SCTR: variants seen among roughly 807,000 people sequenced by gnomAD.
SCTR encodes secretin receptor, also known as pancreatic secretin receptor.
In SCTR, 56 loss-of-function variants were observed where a neutral mutation model predicts 60.8. The observed-to-expected ratio is 0.92, with a 90% CI of 0.74 to 1.15. The LOEUF (loss-of-function observed/expected upper bound fraction) is 1.15. Ranked by LOEUF, SCTR falls within the 50% of genes most tolerant of loss-of-function variation. The pLI is 0.00. For synonymous variants in SCTR, 202 were observed against 217.0 expected (o/e 0.93, Z 0.61); for missense variants, 562 against 550.4 (o/e 1.02, Z -0.21).
In SCTR at chr2:119,440,107, C is replaced by G. The variant is rs1322393722; in HGVS notation, c.*10G>C. On this transcript the variant is annotated 3_prime_UTR_variant, in exon 13 of 13. Transcript: ENST00000019103. ...TGGTCTCTGTCCGTGGGTGACCCTG[C>G]TCCAGCCTCTCAGATGATGCTGGTC... 1 of 1,612,538 alleles carries G rather than the reference C, an allele frequency of 6.2e-7. No homozygotes were observed. Among genetic ancestry groups the G allele is most frequent in the South Asian group, 1.1e-5 (1 of 90,860 alleles).
At chr2:119,446,552 C>T (rs1356033165) in intron 11 of SCTR, among the ~76,000 whole-genome samples, 1 of 152,180 alleles carries the variant, frequency 6.6e-6, no homozygotes, top group African/African-American at 2.4e-5. Context: ...CTCTCTGTCT[C>T]TCTTAGTTTT....
At chr2:119,477,877 C>T (rs552324083) in intron 3 of SCTR, among the ~76,000 whole-genome samples, 1 of 152,350 alleles carries the variant, frequency 6.6e-6, no homozygotes, top group South Asian at 2.1e-4. Flanking sequence ...TACCTCATTT[C>T]CCCCAGTTCC....
chr2:119,498,588 C>G (rs776801979), intron 1 of SCTR, among the ~76,000 whole-genome samples: 1 of 151,822 alleles, frequency 6.6e-6, no homozygotes, highest in African/African-American at 2.4e-5. Flanking sequence ...ATTACAAATG[C>G]GGGATGATAA....
intron 1 of SCTR, among the ~76,000 whole-genome samples, chr2:119,503,158 CAAAAAAAA>C (rs61479294): frequency 2.9e-5 from 2 of 69,584 alleles, no homozygotes; most frequent in African/African-American, 9.0e-5. Flanking sequence ...GACTCCATCT[CAAAAAAAA>C]AAAAAAAAAA....
chr2:119,498,206 A>T (rs940644209), intron 1 of SCTR, among the ~76,000 whole-genome samples: 1 of 152,214 alleles, frequency 6.6e-6, no homozygotes, highest in Non-Finnish European at 1.5e-5. Flanking sequence ...TTACAGGAAG[A>T]TGGCACAATA....
At chr2:119,490,808 C>A (rs889739233) in intron 2 of SCTR, among the ~76,000 whole-genome samples, 15 of 152,210 alleles carry the variant, frequency 9.9e-5, no homozygotes, top group Admixed American at 9.2e-4. Context: ...GGCCCAGTAT[C>A]CCTTTGTCTG....
chr2:119,518,571 G>T (rs1679183861), intron 1 of SCTR, among the ~76,000 whole-genome samples: 1 of 152,222 alleles, frequency 6.6e-6, no homozygotes, highest in Non-Finnish European at 1.5e-5. Context: ...ACAATGTAGA[G>T]GCTGGGTGGG....
intron 1 of SCTR, among the ~76,000 whole-genome samples, chr2:119,509,120 T>A (rs1005143245): frequency 6.6e-6 from 1 of 152,246 alleles, no homozygotes; most frequent in African/African-American, 2.4e-5. Flanking sequence ...CGTTAGTGAT[T>A]TGATGTGAGC....
chr2:119,459,371 C>T (rs1352116224), intron 7 of SCTR, among the ~76,000 whole-genome samples: 1 of 151,704 alleles, frequency 6.6e-6, no homozygotes, highest in Non-Finnish European at 1.5e-5. Context: ...GGAAGGAAAT[C>T]TCAGAAAAAG....
At chr2:119,458,697 C>T (rs1683478675) in intron 7 of SCTR, among the ~76,000 whole-genome samples, 1 of 152,096 alleles carries the variant, frequency 6.6e-6, no homozygotes, top group South Asian at 2.1e-4. Flanking sequence ...TCCTTAGTGG[C>T]AAGTTGGTGG....
intron 4 of SCTR, among the ~76,000 whole-genome samples, chr2:119,466,948 A>G (rs2587697): frequency 0.064 from 9,760 of 152,164 alleles, 1,018 homozygotes; most frequent in African/African-American, 0.22. Context: ...GGTAGAAGGG[A>G]TCCATCACCT....
At chr2:119,511,591 C>T (rs1485821982) in intron 1 of SCTR, among the ~76,000 whole-genome samples, 1 of 152,050 alleles carries the variant, frequency 6.6e-6, no homozygotes, top group African/African-American at 2.4e-5. Context: ...ATCCACAGTC[C>T]TATTGGTTTT....
At chr2:119,499,522 C>T (rs1305092379) in intron 1 of SCTR, among the ~76,000 whole-genome samples, 1 of 152,022 alleles carries the variant, frequency 6.6e-6, no homozygotes, top group Non-Finnish European at 1.5e-5. Context: ...AATGTGTTCT[C>T]TGACCACAAT....
rs1192586683 is a variant in SCTR, at chr2:119,478,814, T to G, written c.298A>C (p.Asn100His). 1 of 1,614,020 alleles carries G rather than the reference T, an allele frequency of 6.2e-7. No individual in the cohort carries two copies. The highest frequency in any genetic ancestry group is 8.5e-7 in the Non-Finnish European group (1 of 1,180,018). Residue 100 changes from asparagine to histidine, a missense_variant, in exon 3 of 13, where the codon AAT becomes CAT. By Grantham distance (68) the Asn-to-His change is moderately conservative. Transcript: ENST00000019103. ...GCCCCATGGGCCGAGTGGTTACCAT[T>G]TCTGCTGGTGAGCATCCGGAGGAAT... Reference protein sequence around the residue: ...PRFLRMLTSRNGSLFRNCTQD... With the variant: ...PRFLRMLTSRHGSLFRNCTQD...
chr2:119,473,538 C>A lies in SCTR; in HGVS notation c.320G>T (p.Cys107Phe). 1 of 1,613,866 alleles carries A rather than the reference C, an allele frequency of 6.2e-7. No individual in the cohort carries two copies. The highest frequency in any genetic ancestry group is 8.5e-7 in the Non-Finnish European group (1 of 1,179,748). ...TSRNGSLFRNCTQDGWSETFP... is the reference protein window; with the variant it reads ...TSRNGSLFRNFTQDGWSETFP... ...GGTTTCTGACCAGCCATCCTGTGTGCAGTTTCGGAACAAGGAACCTGTGGG... is the reference window on the plus strand; with the variant it reads ...GGTTTCTGACCAGCCATCCTGTGTGAAGTTTCGGAACAAGGAACCTGTGGG... The change falls in exon 4 of 13, where the codon TGC becomes TTC. Residue 107 changes from cysteine (C) to phenylalanine (F), a missense_variant. Cys to Phe is a radical substitution (Grantham distance 205). Coordinates refer to ENST00000019103, the MANE Select transcript of SCTR (RefSeq NM_002980.3).
intron 1 of SCTR, among the ~76,000 whole-genome samples, chr2:119,510,968 C>T (rs2579609): frequency 0.04 from 6,026 of 151,888 alleles, 279 homozygotes; most frequent in African/African-American, 0.099. Context: ...GAGGCTGAGG[C>T]GGGCAGATCA....
intron 10 of SCTR, among the ~76,000 whole-genome samples, chr2:119,447,436 T>C (rs1415928560): frequency 6.6e-6 from 1 of 152,222 alleles, no homozygotes; most frequent in Non-Finnish European, 1.5e-5. Context: ...CTGGGCATCC[T>C]GTATTTTACC....
At chr2:119,505,080 T>C (rs1374612687) in intron 1 of SCTR, among the ~76,000 whole-genome samples, 1 of 152,130 alleles carries the variant, frequency 6.6e-6, no homozygotes, top group Non-Finnish European at 1.5e-5. Flanking sequence ...ACACTGTTGG[T>C]GGAACTGTAA....
chr2:119,503,155 T>A (rs1678610176), intron 1 of SCTR, among the ~76,000 whole-genome samples: 1 of 75,248 alleles, frequency 1.3e-5, no homozygotes, highest in African/African-American at 6.8e-5. Flanking sequence ...CAAGACTCCA[T>A]CTCAAAAAAA....
Sources: gnomAD v4.1 joint callset for allele counts (sites outside exome capture counted in the v4.1 genomes callset) on GRCh38, gnomAD v4.1.1 for gene constraint, MANE v1.5 for transcripts, NCBI Gene and HGNC (gene_info 2026-07-23, HGNC 2026-07-21) for gene names.